Variants in ERC1 observed in about 807,000 individuals in gnomAD.
The protein encoded by ERC1 is ELKS/RAB6-interacting/CAST family member 1, also known as RAB6 interacting protein 2.
ERC1 carries 56 observed loss-of-function variants against 132.0 expected under a neutral mutation model. That is an observed-to-expected ratio of 0.42 (90% CI 0.34 to 0.53). The LOEUF (loss-of-function observed/expected upper bound fraction) is 0.53. Ranked by LOEUF, ERC1 falls within the 20% of genes least tolerant of loss-of-function variation. The pLI, the probability that ERC1 is intolerant of heterozygous loss-of-function variation, is 0.03. For synonymous variants in ERC1, 478 were observed against 476.1 expected (o/e 1.00, Z -0.05); for missense variants, 1,202 against 1,349.9 (o/e 0.89, Z 1.72).
chr12:1,300,999 T>C (rs7963602), intron 15 of ERC1, among the ~76,000 whole-genome samples: 60,262 of 151,974 alleles, frequency 0.4, 12,380 homozygotes, highest in Middle Eastern at 0.52. Context: ...TCATGAAATA[T>C]TACTCAGCCG....
In ERC1 at chr12:1,093,957, CTATATATATATATA is replaced by C. The variant is rs202076174; in HGVS notation, c.1086+10392_1086+10405del. ...TTTCTATATAAATATATATATTTTT[CTATATATATATATA>C]TATATATATATATAGAAAAACATAG... On this transcript the variant is annotated intron_variant, in intron 3 of 18. Coordinates refer to ENST00000360905, the MANE Select transcript of ERC1 (RefSeq NM_178040.4). Among the ~76,000 whole-genome samples the C allele has an allele frequency of 2.9e-4, 20 of 68,888 alleles. 1 individual carries two copies. Among genetic ancestry groups the C allele is most frequent in the East Asian group, 6.4e-4 (1 of 1,564 alleles). 45.2% of individuals were successfully genotyped at this position (68,888 alleles called of 152,430 possible).
intron 8 of ERC1, among the ~76,000 whole-genome samples, chr12:1,161,334 G>A (rs973202301): frequency 2.0e-5 from 3 of 152,170 alleles, no homozygotes; most frequent in Admixed American, 6.5e-5. Context: ...GGGCATCTAA[G>A]CCTGGAGAGT....
chr12:1,091,048 C>G (rs113861793), intron 3 of ERC1, among the ~76,000 whole-genome samples: 2 of 152,166 alleles, frequency 1.3e-5, no homozygotes, highest in African/African-American at 4.8e-5. Context: ...CAGGCGTGCA[C>G]AAGCTAATTT....
At chr12:1,451,968 G>A (rs1368373422) in intron 18 of ERC1, among the ~76,000 whole-genome samples, 9 of 152,218 alleles carry the variant, frequency 5.9e-5, no homozygotes, top group Admixed American at 3.9e-4. Flanking sequence ...ACCACATAAG[G>A]GCAAAGCAAG....
intron 3 of ERC1, among the ~76,000 whole-genome samples, chr12:1,093,158 CTT>C (rs35311030): frequency 0.19 from 28,796 of 152,020 alleles, 3,457 homozygotes; most frequent in Non-Finnish European, 0.25. Flanking sequence ...TTTACGTTTT[CTT>C]TATTAACATG....
At chr12:1,020,941 T>G (rs117409678) in intron 1 of ERC1, among the ~76,000 whole-genome samples, 4,587 of 152,170 alleles carry the variant, frequency 0.03, 94 homozygotes, top group Middle Eastern at 0.085. Flanking sequence ...TCCATGAGCT[T>G]CTTATTTCTT....
intron 12 of ERC1, among the ~76,000 whole-genome samples, chr12:1,196,974 A>ATTT (rs1300277921): frequency 1.9e-5 from 1 of 52,134 alleles, no homozygotes; most frequent in African/African-American, 1.6e-4. Flanking sequence ...ATATATATAT[A>ATTT]TATTTTTTTT....
At chr12:1,091,811 G>T (rs1943258477) in intron 3 of ERC1, among the ~76,000 whole-genome samples, 1 of 152,110 alleles carries the variant, frequency 6.6e-6, no homozygotes. Context: ...GTATAGTAAG[G>T]AATTTAACTG....
At chr12:1,420,602 C>A (rs950899682) in intron 17 of ERC1, among the ~76,000 whole-genome samples, 1 of 152,088 alleles carries the variant, frequency 6.6e-6, no homozygotes, top group Non-Finnish European at 1.5e-5. Flanking sequence ...ACTACAGGCA[C>A]CTGCCACCAC....
rs576352542 is a variant in ERC1 at position 1,315,269 on chromosome 12, G to A, written c.2780+25257G>A. Among the ~76,000 whole-genome samples, 42 of 152,178 alleles carry A rather than the reference G, an allele frequency of 2.8e-4. 1 individual carries two copies. Among genetic ancestry groups the A allele is most frequent in the African/African-American group, 8.9e-4 (37 of 41,520 alleles). Reference sequence around the variant, plus strand: ...TGACGTCAGGTGATCCACCCACCTCGGCCTTCCAAAGTGCTGGGATTATAG... The same window carrying A: ...TGACGTCAGGTGATCCACCCACCTCAGCCTTCCAAAGTGCTGGGATTATAG... On this transcript the variant is annotated intron_variant, in intron 15 of 18. Transcript: ENST00000360905.
At position 1,293,542 on chromosome 12, in the gene ERC1, T is replaced by TAG. The variant is rs1195366342; in HGVS notation, c.2780+3530_2780+3531insAG. Among the ~76,000 whole-genome samples, 28 of 128,672 alleles carry TAG rather than the reference T, an allele frequency of 2.2e-4. 3 individuals are homozygous for TAG. Among genetic ancestry groups the TAG allele is most frequent in the African/African-American group, 6.0e-4 (21 of 35,278 alleles). 84.4% of individuals were successfully genotyped at this position (128,672 alleles called of 152,430 possible). A position where few individuals can be genotyped will look rare whatever the true frequency, so the allele number is the denominator to read the frequency against. On this transcript the variant is annotated intron_variant, in intron 15 of 18. Transcript: ENST00000360905. ...TACTCAGGAGGCCGAGGCAGGAGAA[T>TAG]CACTTGAACCCAGGAGGCGGAGGTT...
intron 1 of ERC1, among the ~76,000 whole-genome samples, chr12:1,004,927 A>G (rs1963282804): frequency 6.6e-6 from 1 of 151,694 alleles, no homozygotes; most frequent in Non-Finnish European, 1.5e-5. Context: ...AGGAAGAAAG[A>G]CCGTATTTAA....
At chr12:1,431,976 T>C (rs964432884) in intron 17 of ERC1, among the ~76,000 whole-genome samples, 3 of 152,192 alleles carry the variant, frequency 2.0e-5, no homozygotes, top group African/African-American at 7.2e-5. Flanking sequence ...CTTCCCAGGC[T>C]CAAGCAGTCC....
chr12:1,149,758 G>A (rs916979575), intron 8 of ERC1, among the ~76,000 whole-genome samples: 15 of 152,046 alleles, frequency 9.9e-5, no homozygotes, highest in Admixed American at 9.8e-4. Flanking sequence ...GATGTATAGA[G>A]ACAAATACAT....
At chr12:1,042,982 T>A (rs1788611385) in intron 2 of ERC1, among the ~76,000 whole-genome samples, 1 of 152,038 alleles carries the variant, frequency 6.6e-6, no homozygotes, top group Non-Finnish European at 1.5e-5. Context: ...CTTATTTTTC[T>A]ATGAAAACAT....
intron 16 of ERC1, among the ~76,000 whole-genome samples, chr12:1,393,999 G>C (rs1478392925): frequency 8.3e-6 from 1 of 120,884 alleles, no homozygotes; most frequent in Non-Finnish European, 1.6e-5. Flanking sequence ...CTGGGTGACA[G>C]AGTGAGACTC....
chr12:1,244,606 CCTT>C, intron 13 of ERC1: 1 of 447,686 alleles, frequency 2.2e-6, no homozygotes, highest in South Asian at 1.6e-5. Flanking sequence ...ACTGCAGCCT[CCTT>C]CTACCGGATT....
chr12:1,305,627 C>T (rs1476800114), intron 15 of ERC1, among the ~76,000 whole-genome samples: 1 of 152,076 alleles, frequency 6.6e-6, no homozygotes, highest in African/African-American at 2.4e-5. Flanking sequence ...TCTTTTTATG[C>T]ACTATTTTTA....
intron 2 of ERC1, among the ~76,000 whole-genome samples, chr12:1,075,520 G>A (rs940605486): frequency 6.6e-5 from 10 of 152,078 alleles, no homozygotes; most frequent in Non-Finnish European, 1.0e-4. Context: ...GTGAAACCCC[G>A]TCTCTACTAA....
Sources: gnomAD v4.1 joint callset for allele counts (sites outside exome capture counted in the v4.1 genomes callset) on GRCh38, gnomAD v4.1.1 for gene constraint, MANE v1.5 for transcripts, NCBI Gene and HGNC (gene_info 2026-07-23, HGNC 2026-07-21) for gene names.